The following PDLIM5 variants were observed in gnomAD, a reference collection of about 807,000 sequenced individuals.
The protein encoded by PDLIM5 is PDZ and LIM domain protein 5.
PDLIM5 carries 34 observed loss-of-function variants against 64.2 expected under a neutral mutation model. The ratio of observed to expected loss-of-function variants is 0.53; its 90% CI spans 0.40 to 0.71. The LOEUF (loss-of-function observed/expected upper bound fraction) is 0.71, where lower values mean the gene tolerates loss of function less well. Among genes scored for constraint, PDLIM5 ranks in the 30% least tolerant of loss-of-function variants. The pLI is 0.00. For synonymous variants in PDLIM5, 253 were observed against 269.1 expected (o/e 0.94, Z 0.59); for missense variants, 683 against 733.6 (o/e 0.93, Z 0.80).
At chr4:94,567,540 A>C (rs1734448183) in intron 3 of PDLIM5, among the ~76,000 whole-genome samples, 1 of 151,408 alleles carries the variant, frequency 6.6e-6, no homozygotes, top group Admixed American at 6.6e-5. Flanking sequence ...AAGATAGTAT[A>C]GTTCATGACT....
At chr4:94,585,967 C>G (rs1310545318) in intron 6 of PDLIM5, among the ~76,000 whole-genome samples, 1 of 152,006 alleles carries the variant, frequency 6.6e-6, no homozygotes, top group Non-Finnish European at 1.5e-5. Flanking sequence ...GTCATGAGTT[C>G]GAGACCAGAC....
intron 2 of PDLIM5, among the ~76,000 whole-genome samples, chr4:94,494,432 G>GGTTTTTTTTTTTTTT (rs1553940971): frequency 0.013 from 917 of 70,756 alleles, 145 homozygotes; most frequent in Middle Eastern, 0.049. Flanking sequence ...TTTTTTTCTT[G>GGTTTTTTTTTTTTTT]TTTTTTTTTT....
At chr4:94,625,651 C>T (rs1199534097) in intron 8 of PDLIM5, among the ~76,000 whole-genome samples, 3 of 152,074 alleles carry the variant, frequency 2.0e-5, no homozygotes, top group African/African-American at 7.2e-5. Context: ...GACGGGGTTT[C>T]ACCGTGTTAG....
intron 11 of PDLIM5, among the ~76,000 whole-genome samples, chr4:94,657,868 G>A (rs1560770951): frequency 1.3e-5 from 2 of 152,114 alleles, no homozygotes; most frequent in Non-Finnish European, 1.5e-5. Context: ...CACCATGCTC[G>A]GCTCATTTTG....
chr4:94,608,036 A>G, intron 7 of PDLIM5: 1 of 1,500,932 alleles, frequency 6.7e-7, no homozygotes, highest in Non-Finnish European at 8.9e-7. Flanking sequence ...TTTGCCTTAT[A>G]TATTTTACTT....
In PDLIM5 at chr4:94,455,362, A is replaced by G. The variant is rs1471083382; in HGVS notation, c.74A>G (p.Asn25Ser). 1.2e-6 allele frequency: 2 copies of G among 1,611,004 alleles called. No individual in the cohort carries two copies. Among genetic ancestry groups the G allele is most frequent in the African/African-American group, 1.3e-5 (1 of 74,862 alleles). ...CGGCTGCAGGGCGGTAAGGATTTCA[A>G]CATGCCTCTGACAATCTCTAGTGTA... Reference protein sequence around the residue: ...GFRLQGGKDFNMPLTISSLKD... With the variant: ...GFRLQGGKDFSMPLTISSLKD... The change falls in exon 2 of 13, where the codon AAC becomes AGC. Residue 25 changes from asparagine to serine, a missense_variant. By Grantham distance (46) the Asn-to-Ser change is conservative. Transcript: ENST00000317968.
intron 2 of PDLIM5, among the ~76,000 whole-genome samples, chr4:94,508,971 GC>G (rs1437336496): frequency 7.2e-5 from 11 of 152,072 alleles, no homozygotes; most frequent in Non-Finnish European, 1.5e-4. Flanking sequence ...GTTTTTGCTT[GC>G]AGTACATACT....
At chr4:94,653,057 TCTC>T (rs1560767350) in intron 9 of PDLIM5, among the ~76,000 whole-genome samples, 1 of 152,138 alleles carries the variant, frequency 6.6e-6, no homozygotes. Context: ...TGCTATGACT[TCTC>T]CTGTTAATAA....
At chr4:94,603,871 A>G (rs1737698838) in intron 7 of PDLIM5, among the ~76,000 whole-genome samples, 1 of 152,216 alleles carries the variant, frequency 6.6e-6, no homozygotes, top group African/African-American at 2.4e-5. Flanking sequence ...TAGGGGACCC[A>G]TCACACCACT....
chr4:94,625,492 G>C (rs1308246386), intron 8 of PDLIM5, among the ~76,000 whole-genome samples: 1 of 138,688 alleles, frequency 7.2e-6, no homozygotes, highest in Admixed American at 7.3e-5. Flanking sequence ...TCTCTGTGTT[G>C]CCCAGGCTGG....
intron 3 of PDLIM5, among the ~76,000 whole-genome samples, chr4:94,535,220 AGCCACAGTCGT>A (rs1168839656): frequency 6.6e-6 from 1 of 152,186 alleles, no homozygotes; most frequent in African/African-American, 2.4e-5. Context: ...TACTTCTGTA[AGCCACAGTCGT>A]GTTCTGGATA....
At chr4:94,578,919 A>C (rs551429452) in intron 5 of PDLIM5, among the ~76,000 whole-genome samples, 16 of 152,074 alleles carry the variant, frequency 1.1e-4, no homozygotes, top group Non-Finnish European at 2.1e-4. Context: ...TCCTGAAAGC[A>C]CCAGGAGGAC....
intron 3 of PDLIM5, among the ~76,000 whole-genome samples, chr4:94,533,633 G>A (rs1731079488): frequency 6.6e-6 from 1 of 152,200 alleles, no homozygotes; most frequent in South Asian, 2.1e-4. Flanking sequence ...TTAACCACTT[G>A]TACCTGCCTT....
At chr4:94,610,905 C>T (rs1738308440) in intron 7 of PDLIM5, among the ~76,000 whole-genome samples, 1 of 151,872 alleles carries the variant, frequency 6.6e-6, no homozygotes, top group Non-Finnish European at 1.5e-5. Context: ...TTCTTTTTAT[C>T]TTCTTTCATC....
At chr4:94,534,439 A>G (rs567183491) in intron 3 of PDLIM5, among the ~76,000 whole-genome samples, 130 of 152,204 alleles carry the variant, frequency 8.5e-4, no homozygotes, top group Non-Finnish European at 1.6e-3. Flanking sequence ...TCAGATTTAC[A>G]TTATGACTAG....
chr4:94,593,691 G>T (rs144797496), intron 7 of PDLIM5, among the ~76,000 whole-genome samples: 28 of 152,064 alleles, frequency 1.8e-4, no homozygotes, highest in Middle Eastern at 6.8e-3. Flanking sequence ...TGTGGGTTAG[G>T]GCTTCAACAT....
chr4:94,490,073 T>C (rs1726725798), intron 2 of PDLIM5, among the ~76,000 whole-genome samples: 1 of 151,882 alleles, frequency 6.6e-6, no homozygotes, highest in Non-Finnish European at 1.5e-5. Flanking sequence ...GTGGGTTTTT[T>C]TTTGCCTAAT....
chr4:94,498,079 T>G (rs1727570424), intron 2 of PDLIM5, among the ~76,000 whole-genome samples: 1 of 152,178 alleles, frequency 6.6e-6, no homozygotes, highest in Non-Finnish European at 1.5e-5. Context: ...GTAATCCACA[T>G]GAGGATTGAC....
chr4:94,640,895 A>G (rs1390874119), intron 9 of PDLIM5, among the ~76,000 whole-genome samples: 1 of 152,250 alleles, frequency 6.6e-6, no homozygotes, highest in Non-Finnish European at 1.5e-5. Context: ...ATTTTTGAGT[A>G]CACAAGCACT....
Sources: gnomAD v4.1 joint callset for allele counts (sites outside exome capture counted in the v4.1 genomes callset) on GRCh38, gnomAD v4.1.1 for gene constraint, MANE v1.5 for transcripts, NCBI Gene and HGNC (gene_info 2026-07-23, HGNC 2026-07-21) for gene names.